Variants in CDK14 observed in about 807,000 individuals in gnomAD.
CDK14 encodes cyclin dependent kinase 14, also known as cyclin-dependent kinase 14.
CDK14 carries 34 observed loss-of-function variants against 60.7 expected under a neutral mutation model. That is an observed-to-expected ratio of 0.56 (90% CI 0.43 to 0.75). The LOEUF (loss-of-function observed/expected upper bound fraction) is 0.75, where lower values mean the gene tolerates loss of function less well. Among genes scored for constraint, CDK14 ranks in the 30% least tolerant of loss-of-function variants. The probability of loss-of-function intolerance (pLI) is 0.00; values close to 1 mark genes in which losing one functional copy is unlikely to be tolerated. For missense variants in CDK14, 482 were observed against 564.1 expected (o/e 0.85, Z 1.47); for synonymous variants, 197 against 203.7 (o/e 0.97, Z 0.28).
At chr7:90,973,995 C>T (rs1794999621) in intron 9 of CDK14, among the ~76,000 whole-genome samples, 1 of 152,120 alleles carries the variant, frequency 6.6e-6, no homozygotes, top group Non-Finnish European at 1.5e-5. Context: ...GAGACCAGGG[C>T]ATATTTCAGT....
At chr7:91,112,826 T>C in intron 13 of CDK14, 145 bp downstream of exon 13, 2 of 629,110 alleles carry the variant, frequency 3.2e-6, no homozygotes, top group Non-Finnish European at 5.2e-6. Context: ...ATTACAGGTG[T>C]GTGTGTGTGT....
At chr7:90,764,379 G>T (rs547055239) in intron 4 of CDK14, among the ~76,000 whole-genome samples, 1 of 152,218 alleles carries the variant, frequency 6.6e-6, no homozygotes, top group East Asian at 1.9e-4. Context: ...ACAAGGTGGG[G>T]TTTGGGTGAA....
At chr7:91,047,215 A>G (rs959625338) in intron 11 of CDK14, among the ~76,000 whole-genome samples, 1 of 152,198 alleles carries the variant, frequency 6.6e-6, no homozygotes, top group Non-Finnish European at 1.5e-5. Context: ...CTGTGTTAGG[A>G]CCTAAAATTT....
chr7:91,168,401 A>G (rs1368046311), intron 14 of CDK14, among the ~76,000 whole-genome samples: 1 of 152,234 alleles, frequency 6.6e-6, no homozygotes, highest in Non-Finnish European at 1.5e-5. Context: ...ACATAAATTC[A>G]GGTATATATT....
At chr7:90,706,106 C>G (rs1234935461) in intron 2 of CDK14, among the ~76,000 whole-genome samples, 1 of 152,090 alleles carries the variant, frequency 6.6e-6, no homozygotes, top group Non-Finnish European at 1.5e-5. Flanking sequence ...GCCTTTTTGT[C>G]TCTTCTCTTT....
At chr7:90,747,648 ATC>A in intron 3 of CDK14, 31 bp from the exon 4 acceptor site, 1 of 1,215,064 alleles carries the variant, frequency 8.2e-7, no homozygotes, top group Non-Finnish European at 1.2e-6. Context: ...ATTTGATACA[ATC>A]TGTTTTGTTT....
chr7:91,150,992 G>C (rs1800813421), intron 14 of CDK14, among the ~76,000 whole-genome samples: 1 of 152,094 alleles, frequency 6.6e-6, no homozygotes, highest in South Asian at 2.1e-4. Flanking sequence ...TATTGTGTTT[G>C]TGTGAAGAAC....
rs59773768 is a variant in CDK14, at chr7:90,668,699, C to CTTTTTTTTT, written c.124-57849_124-57841dup. 4.9e-4 allele frequency among the ~76,000 whole-genome samples: 43 copies of CTTTTTTTTT among 87,520 alleles called. 1 individual carries two copies. Among genetic ancestry groups the CTTTTTTTTT allele is most frequent in the African/African-American group, 1.8e-3 (41 of 23,112 alleles). 57.4% of individuals were successfully genotyped at this position (87,520 alleles called of 152,430 possible). A position where few individuals can be genotyped will look rare whatever the true frequency, so the allele number is the denominator to read the frequency against. On this transcript the variant is annotated intron_variant, in intron 2 of 14. Coordinates refer to ENST00000380050, the MANE Select transcript of CDK14 (RefSeq NM_001287135.2). ...TATGGTGTAAGGAAGGACTCGCATTCTTTTTTTTTTTTTTTTTTTTTTTTT... is the reference window on the plus strand; with the variant it reads ...TATGGTGTAAGGAAGGACTCGCATTCTTTTTTTTTTTTTTTTTTTTTTTTTTTTTTTTTT...
chr7:90,757,150 C>T (rs1804095964), intron 4 of CDK14, among the ~76,000 whole-genome samples: 1 of 151,284 alleles, frequency 6.6e-6, no homozygotes, highest in Admixed American at 6.6e-5. Context: ...CAATTTTGGG[C>T]ATTCCTGGCT....
At chr7:90,696,457 C>T (rs978285721) in intron 2 of CDK14, among the ~76,000 whole-genome samples, 2 of 151,364 alleles carry the variant, frequency 1.3e-5, no homozygotes, top group South Asian at 2.1e-4. Flanking sequence ...TCTTGTGCCT[C>T]AGCCTCCCGA....
In CDK14 at chr7:90,901,674, G is replaced by GTATATGTA. The variant is rs1554370365; in HGVS notation, c.702+2326_702+2327insGTATATAT. Among the ~76,000 whole-genome samples, 4 of 148,198 alleles carry GTATATGTA rather than the reference G, an allele frequency of 2.7e-5. No individual in the cohort carries two copies. The Admixed American group carries it at 2.7e-4, about 10-fold the overall frequency. On this transcript the variant is annotated intron_variant, in intron 7 of 14. Coordinates refer to ENST00000380050, the MANE Select transcript of CDK14 (RefSeq NM_001287135.2). ...TAGAGTCACCTGGCAAGCTTTATATGTATATATATATATATACACACACAC... is the reference window on the plus strand; with the variant it reads ...TAGAGTCACCTGGCAAGCTTTATATGTATATGTATATATATATATATATACACACACAC...
intron 14 of CDK14, among the ~76,000 whole-genome samples, chr7:91,146,669 A>G (rs1034608859): frequency 6.6e-6 from 1 of 152,222 alleles, no homozygotes; most frequent in African/African-American, 2.4e-5. Context: ...TTAAAATCAG[A>G]TCCAGTTATT....
At chr7:90,862,927 C>T (rs1337343576) in intron 5 of CDK14, among the ~76,000 whole-genome samples, 1 of 152,120 alleles carries the variant, frequency 6.6e-6, no homozygotes, top group Non-Finnish European at 1.5e-5. Context: ...CACCTGTAAT[C>T]CCAGCTTGTC....
chr7:90,949,191 A>G (rs964845497), intron 8 of CDK14, among the ~76,000 whole-genome samples: 2 of 151,520 alleles, frequency 1.3e-5, no homozygotes, highest in East Asian at 1.9e-4. Flanking sequence ...TAGTTTTTTT[A>G]TTTGTTTGTT....
In CDK14 at chr7:91,200,205, T is replaced by TA. The variant is rs1403327394; in HGVS notation, c.*29-6959dup. On this transcript the variant is annotated intron_variant, in intron 14 of 14. Transcript: ENST00000380050. ...TGAATTCAGTATGAAGTTTAAAACT[T>TA]ACCACTTTGAATCCAGCATCCATAT... 2.0e-5 allele frequency among the ~76,000 whole-genome samples: 3 copies of TA among 152,326 alleles called. No homozygotes were observed. The East Asian group carries it at 5.8e-4, about 29-fold the overall frequency.
At chr7:90,941,156 A>G (rs866346162) in intron 8 of CDK14, among the ~76,000 whole-genome samples, 5 of 152,328 alleles carry the variant, frequency 3.3e-5, no homozygotes, top group Non-Finnish European at 7.3e-5. Context: ...TTCAGTAATC[A>G]AGGAGAAATT....
intron 5 of CDK14, among the ~76,000 whole-genome samples, chr7:90,841,283 A>G (rs370071438): frequency 1.8e-4 from 27 of 152,272 alleles, no homozygotes; most frequent in African/African-American, 6.0e-4. Flanking sequence ...AACAGTGAAC[A>G]TGAACTGTGG....
chr7:90,668,235 G>C (rs1250734066), intron 2 of CDK14, among the ~76,000 whole-genome samples: 1 of 152,090 alleles, frequency 6.6e-6, no homozygotes, highest in Non-Finnish European at 1.5e-5. Context: ...ACATGTCTTT[G>C]TGATTTTTAT....
At chr7:90,716,022 G>C (rs1802238037) in intron 2 of CDK14, among the ~76,000 whole-genome samples, 2 of 151,908 alleles carry the variant, frequency 1.3e-5, no homozygotes, top group South Asian at 4.2e-4. Context: ...CTGCACTCCT[G>C]ACTCTGTCTT....
Sources: gnomAD v4.1 joint callset for allele counts (sites outside exome capture counted in the v4.1 genomes callset) on GRCh38, gnomAD v4.1.1 for gene constraint, MANE v1.5 for transcripts, NCBI Gene and HGNC (gene_info 2026-07-23, HGNC 2026-07-21) for gene names.